Variants in LYPD6B observed in about 807,000 individuals in gnomAD.
LYPD6B encodes ly6/PLAUR domain-containing protein 6B.
LYPD6B carries 17 observed loss-of-function variants against 22.8 expected under a neutral mutation model. That is an observed-to-expected ratio of 0.75 (90% CI 0.51 to 1.12). LYPD6B has a LOEUF of 1.12. Ranked by LOEUF, LYPD6B falls within the 50% of genes most tolerant of loss-of-function variation. The pLI, the probability that LYPD6B is intolerant of heterozygous loss-of-function variation, is 0.00. For missense variants in LYPD6B, 221 were observed against 258.3 expected (o/e 0.86, Z 0.99); for synonymous variants, 106 against 91.6 (o/e 1.16, Z -0.90).
At chr2:149,134,626 C>G (rs964843054) in intron 2 of LYPD6B, among the ~76,000 whole-genome samples, 8 of 152,142 alleles carry the variant, frequency 5.3e-5, no homozygotes, top group African/African-American at 1.9e-4. Context: ...TGAAGTTATG[C>G]CAACAACCCC....
rs190112327 is a variant in LYPD6B at position 149,116,081 on chromosome 2, T to A, written c.-66-14802T>A. Among the ~76,000 whole-genome samples, 532 of 152,344 alleles carry A rather than the reference T, an allele frequency of 3.5e-3. 5 individuals carry two copies. Among genetic ancestry groups the A allele is most frequent in the African/African-American group, 0.012 (504 of 41,592 alleles). On this transcript the variant is annotated intron_variant, in intron 1 of 6. Coordinates refer to ENST00000409642, the MANE Select transcript of LYPD6B (RefSeq NM_177964.5). The stretch of plus-strand genomic sequence containing the variant: ...TCATTTACCTCATTCCATCTCATCA[T>A]GTAGGCATTTTATCATCTCACATCA...
chr2:149,113,480 G>A (rs1388604843), intron 1 of LYPD6B, among the ~76,000 whole-genome samples: 1 of 152,160 alleles, frequency 6.6e-6, no homozygotes, highest in Non-Finnish European at 1.5e-5. Context: ...GATGGGAAGA[G>A]ACTCTACTGC....
chr2:149,187,246 A>G (rs1473951773), intron 3 of LYPD6B, among the ~76,000 whole-genome samples: 1 of 152,182 alleles, frequency 6.6e-6, no homozygotes, highest in Non-Finnish European at 1.5e-5. Flanking sequence ...TGAGATCACA[A>G]AAGGAAGCAG....
At chr2:149,184,973 C>T (rs1190322326) in intron 3 of LYPD6B, among the ~76,000 whole-genome samples, 1 of 152,202 alleles carries the variant, frequency 6.6e-6, no homozygotes, top group Non-Finnish European at 1.5e-5. Flanking sequence ...ACTTTGCTTT[C>T]TCTTCTTTGT....
chr2:149,194,622 A>G (rs1396582845), intron 3 of LYPD6B, among the ~76,000 whole-genome samples: 3 of 152,208 alleles, frequency 2.0e-5, no homozygotes, highest in African/African-American at 7.2e-5. Context: ...GCTGTGGGAC[A>G]TGATGATAAC....
intron 1 of LYPD6B, among the ~76,000 whole-genome samples, chr2:149,080,511 T>C (rs905803506): frequency 6.6e-6 from 1 of 152,198 alleles, no homozygotes; most frequent in African/African-American, 2.4e-5. Context: ...GGCTGTTCTA[T>C]TTCTCTCAAG....
At chr2:149,160,297 G>T (rs1048563067) in intron 2 of LYPD6B, among the ~76,000 whole-genome samples, 1 of 152,108 alleles carries the variant, frequency 6.6e-6, no homozygotes, top group African/African-American at 2.4e-5. Context: ...GACTCATGTT[G>T]TCATTATTTC....
intron 1 of LYPD6B, among the ~76,000 whole-genome samples, chr2:149,100,868 T>G (rs770952067): frequency 4.6e-5 from 7 of 152,210 alleles, no homozygotes; most frequent in Non-Finnish European, 7.3e-5. Context: ...AAAACAAATT[T>G]TTAAAAATCT....
chr2:149,119,223 G>A (rs1687158000), intron 1 of LYPD6B: 2 of 152,036 alleles, frequency 1.3e-5, no homozygotes, highest in Admixed American at 1.3e-4. Flanking sequence ...CTATGAAATG[G>A]GAATGGCAAT....
intron 3 of LYPD6B, among the ~76,000 whole-genome samples, chr2:149,197,211 G>A (rs1692863285): frequency 6.6e-6 from 1 of 152,048 alleles, no homozygotes; most frequent in East Asian, 1.9e-4. Context: ...TATGTCCTTG[G>A]CTTTTTTAAA....
At chr2:149,159,417 C>A (rs908828215) in intron 2 of LYPD6B, among the ~76,000 whole-genome samples, 1 of 152,162 alleles carries the variant, frequency 6.6e-6, no homozygotes, top group African/African-American at 2.4e-5. Context: ...AATTACCTTA[C>A]AACATACATT....
At chr2:149,120,319 A>T (rs1687230534) in intron 1 of LYPD6B, among the ~76,000 whole-genome samples, 1 of 132,174 alleles carries the variant, frequency 7.6e-6, no homozygotes, top group Middle Eastern at 3.5e-3. Flanking sequence ...ATGTGTATAT[A>T]TATGTGTATA....
intron 1 of LYPD6B, among the ~76,000 whole-genome samples, chr2:149,120,037 A>ACTTAAC (rs1305998332): frequency 6.6e-6 from 1 of 151,996 alleles, no homozygotes; most frequent in African/African-American, 2.4e-5. Context: ...ACTGAAGTTA[A>ACTTAAC]ATGTTCTGCT....
intron 3 of LYPD6B, 25 bp from the exon 4 acceptor site, chr2:149,205,228 G>A (rs1693430160): frequency 6.3e-7 from 1 of 1,586,600 alleles, no homozygotes; most frequent in Non-Finnish European, 8.5e-7. Flanking sequence ...TAAAGAAACT[G>A]AACCAGTGTG....
At chr2:149,089,772 G>A (rs1685564694) in intron 1 of LYPD6B, among the ~76,000 whole-genome samples, 2 of 152,300 alleles carry the variant, frequency 1.3e-5, no homozygotes, top group South Asian at 4.1e-4. Flanking sequence ...TCCTGTAGCT[G>A]TAAGGCATTT....
Position 149,214,716 on chromosome 2 carries a change from C to A in LYPD6B, c.*6C>A. On this transcript the variant is annotated 3_prime_UTR_variant, in exon 7 of 7. Transcript: ENST00000409642. ...TTGTGCTTCCATTGCTGTGATGCCA[C>A]CATTCCTAGGAGAGGCAGAGACCAG... is the stretch of plus-strand genomic sequence containing the variant. 6.2e-7 allele frequency: 1 copy of A among 1,613,868 alleles called. No homozygotes were observed. The highest frequency in any genetic ancestry group is 8.5e-7 in the Non-Finnish European group (1 of 1,179,784).
chr2:149,114,348 C>G (rs562719734), intron 1 of LYPD6B, among the ~76,000 whole-genome samples: 6 of 152,142 alleles, frequency 3.9e-5, no homozygotes, highest in Non-Finnish European at 7.4e-5. Flanking sequence ...AAAGTGTTAG[C>G]ATTTTGTGCT....
intron 2 of LYPD6B, among the ~76,000 whole-genome samples, chr2:149,136,456 T>G (rs1229992978): frequency 1.3e-5 from 2 of 152,240 alleles, no homozygotes; most frequent in African/African-American, 2.4e-5. Flanking sequence ...GGAGATTCGC[T>G]GTTACAACGC....
At chr2:149,149,864 C>A (rs1689259757) in intron 2 of LYPD6B, among the ~76,000 whole-genome samples, 1 of 152,170 alleles carries the variant, frequency 6.6e-6, no homozygotes, top group South Asian at 2.1e-4. Context: ...ATCCTTTAGT[C>A]CTGCTCTGTA....
Sources: allele counts gnomAD v4.1 joint callset (sites outside exome capture counted in the v4.1 genomes callset), GRCh38; gene constraint gnomAD v4.1.1; transcripts MANE v1.5; gene names NCBI Gene and HGNC (gene_info 2026-07-23, HGNC 2026-07-21).